ALDH1L2: variants seen among roughly 807,000 people sequenced by gnomAD.
ALDH1L2 encodes mitochondrial 10-formyltetrahydrofolate dehydrogenase.
In ALDH1L2, 91 loss-of-function variants were observed where a neutral mutation model predicts 111.0. The observed-to-expected ratio is 0.82, with a 90% CI of 0.69 to 0.98. The LOEUF (loss-of-function observed/expected upper bound fraction) is 0.98. ALDH1L2 is among the 50% of genes least tolerant of loss of function. ALDH1L2 has a pLI of 0.00. For missense variants in ALDH1L2, 995 were observed against 1,126.8 expected (o/e 0.88, Z 1.67); for synonymous variants, 374 against 392.6 (o/e 0.95, Z 0.56).
chr12:105,033,935 T>C (rs1874836945), intron 19 of ALDH1L2, among the ~76,000 whole-genome samples: 1 of 152,172 alleles, frequency 6.6e-6, no homozygotes, highest in African/African-American at 2.4e-5. Context: ...TATCAGGTTT[T>C]TATATAAACC....
At position 105,026,748 on chromosome 12, in the gene ALDH1L2, T is replaced by C; in HGVS notation, c.2517-4A>G. On this transcript the variant is annotated splice_region_variant and splice_polypyrimidine_tract_variant and intron_variant, in intron 21 of 22. Transcript: ENST00000258494. ...CTGCAACACTCCATCGATGTCCCTGTGTTTTTAGGAAGACATAAAACTTCA... is the reference window on the plus strand; with the variant it reads ...CTGCAACACTCCATCGATGTCCCTGCGTTTTTAGGAAGACATAAAACTTCA... 6.2e-7 allele frequency: 1 copy of C among 1,613,294 alleles called. No individual in the cohort carries two copies. Among genetic ancestry groups the C allele is most frequent in the Non-Finnish European group, 8.5e-7 (1 of 1,179,802 alleles).
Position 105,077,520 on chromosome 12 carries a change from C to T in ALDH1L2, c.49-3515G>A, listed in dbSNP as rs183712620. ...TCTCAAATTCCCGAGCTCAGGCACT[C>T]CACCCGCCTTGGCATCCCAAAGTGC... is the stretch of plus-strand genomic sequence containing the variant. On this transcript the variant is annotated intron_variant, in intron 1 of 22. Transcript: ENST00000258494. 3.9e-3 allele frequency among the ~76,000 whole-genome samples: 600 copies of T among 151,972 alleles called. 8 individuals carry two copies. The highest frequency in any genetic ancestry group is 0.014 in the African/African-American group (560 of 41,454).
intron 18 of ALDH1L2, among the ~76,000 whole-genome samples, chr12:105,036,180 TATATGTGTATATA>T (rs1348008736): frequency 3.6e-5 from 2 of 55,476 alleles, no homozygotes; most frequent in Non-Finnish European, 5.6e-5. Context: ...CGTATATTTA[TATATGTGTATATA>T]ATATATACAC....
intron 1 of ALDH1L2, among the ~76,000 whole-genome samples, chr12:105,080,189 A>G (rs1878269432): frequency 6.6e-6 from 1 of 152,200 alleles, no homozygotes; most frequent in South Asian, 2.1e-4. Flanking sequence ...ACATAAATTT[A>G]ATTTAAATAT....
rs1162088553 is a variant in ALDH1L2, at chr12:105,046,880, G to GGCAC, written c.1757+15_1757+18dup. The GGCAC allele has an allele frequency of 6.2e-7, 1 of 1,613,746 alleles. No individual in the cohort carries two copies. Among genetic ancestry groups the GGCAC allele is most frequent in the South Asian group, 1.1e-5 (1 of 91,046 alleles). ...TAACACAACTCATGATTCACTCAGAGGCACTCTCCTTATCTTACCCGAGTG... is the reference window on the plus strand; with the variant it reads ...TAACACAACTCATGATTCACTCAGAGGCACGCACTCTCCTTATCTTACCCGAGTG... On this transcript the variant is annotated intron_variant, in intron 14 of 22. Coordinates refer to ENST00000258494, the MANE Select transcript of ALDH1L2 (RefSeq NM_001034173.4).
rs973122853 is a variant in ALDH1L2 at position 105,061,693 on chromosome 12, A to G, written c.981T>C (p.Phe327=). Residue 327 remains phenylalanine, a synonymous_variant, in exon 8 of 23, where the codon TTT becomes TTC. Coordinates refer to ENST00000258494, the MANE Select transcript of ALDH1L2 (RefSeq NM_001034173.4). ...DGKMIPASQY[F]STGETSVVEL... ...CTACCACTGACGTCTCACCCGTTGA[A>G]AAGTACTGAGAGGCAGGGATCATTT... 1.9e-6 allele frequency: 3 copies of G among 1,614,030 alleles called. No homozygotes were observed. In the African/African-American group the frequency reaches 4.0e-5, roughly 22 times the overall value.
chr12:105,061,138 G>C (rs1177643597), intron 8 of ALDH1L2, 66 bp from the exon 9 acceptor site: 1 of 1,370,246 alleles, frequency 7.3e-7, no homozygotes, highest in Non-Finnish European at 1.0e-6. Flanking sequence ...GACTGGGCTA[G>C]CTCTTCACCA....
rs1876969039 is a variant in ALDH1L2 at position 105,061,094 on chromosome 12, A to C, written c.1048-22T>G. ...TGACCTACACAAAAAGGAAACTCTT[A>C]TGAGGGAAGTGCCACGTAGAACAAT... is the stretch of plus-strand genomic sequence containing the variant. On this transcript the variant is annotated intron_variant, in intron 8 of 22. Transcript: ENST00000258494. 8.8e-6 allele frequency: 14 copies of C among 1,598,900 alleles called. No individual in the cohort carries two copies. The East Asian group carries it at 3.1e-4, about 36-fold the overall frequency.
chr12:105,046,213 ATATATATATTTTTTTTTT>A (rs1875881544), intron 15 of ALDH1L2, among the ~76,000 whole-genome samples: 5 of 43,390 alleles, frequency 1.2e-4, no homozygotes, highest in African/African-American at 5.1e-4. Flanking sequence ...ATATATATAT[ATATATATATTTTTTTTTT>A]TTTTTTTTTT....
intron 12 of ALDH1L2, 73 bp downstream of exon 12, chr12:105,052,017 G>A: frequency 2.3e-6 from 3 of 1,313,132 alleles, no homozygotes; most frequent in South Asian, 3.3e-5. Flanking sequence ...AGACCAGCCT[G>A]GCCAACGTAG....
At chr12:105,034,203 A>G (rs1874855472) in intron 19 of ALDH1L2, 97 bp downstream of exon 19, 2 of 1,198,086 alleles carry the variant, frequency 1.7e-6, no homozygotes, top group Non-Finnish European at 2.4e-6. Context: ...CAATACTGTT[A>G]TCACACCTGA....
At chr12:105,065,215 A>C in intron 6 of ALDH1L2, 52 bp downstream of exon 6, 1 of 1,041,176 alleles carries the variant, frequency 9.6e-7, no homozygotes, top group Non-Finnish European at 1.4e-6. Flanking sequence ...AATATCTCTT[A>C]CAAAGGTAAT....
chr12:105,033,189 A>G (rs1162552593), intron 19 of ALDH1L2, among the ~76,000 whole-genome samples: 3 of 152,216 alleles, frequency 2.0e-5, no homozygotes, highest in Non-Finnish European at 2.9e-5. Context: ...TCACATTTAT[A>G]TTCCCAGCAT....
chr12:105,028,514 A>G (rs1874533845), intron 21 of ALDH1L2, among the ~76,000 whole-genome samples: 1 of 152,242 alleles, frequency 6.6e-6, no homozygotes, highest in Admixed American at 6.5e-5. Flanking sequence ...TACAGGTTTC[A>G]GTGTAGTGCC....
chr12:105,042,213 C>T (rs191683572), intron 15 of ALDH1L2, among the ~76,000 whole-genome samples: 79 of 152,304 alleles, frequency 5.2e-4, no homozygotes, highest in African/African-American at 1.6e-3. Flanking sequence ...ATCTTAGGGT[C>T]GATTCTATCC....
chr12:105,078,682 G>A (rs145332754), intron 1 of ALDH1L2, among the ~76,000 whole-genome samples: 288 of 152,202 alleles, frequency 1.9e-3, no homozygotes, highest in African/African-American at 6.7e-3. Flanking sequence ...CCCTGTACTC[G>A]GGAATCCACC....
At chr12:105,073,764 G>A in intron 2 of ALDH1L2, 97 bp downstream of exon 2, 2 of 1,511,424 alleles carry the variant, frequency 1.3e-6, no homozygotes, top group South Asian at 2.6e-5. Context: ...CGCTGTGATA[G>A]TAGGGGCTGA....
Position 105,070,822 on chromosome 12 carries a change from GA to G in ALDH1L2, c.194-19del, listed in dbSNP as rs752208859. ...AGCCAAAGCTGAGCATAAAAAAGAA[GA>G]TTTTTTTTTTAGAAGTTAGCCATAA... On this transcript the variant is annotated intron_variant, in intron 2 of 22. Coordinates refer to ENST00000258494, the MANE Select transcript of ALDH1L2 (RefSeq NM_001034173.4). The G allele has an allele frequency of 1.9e-6, 3 of 1,580,228 alleles. No homozygotes were observed. The highest frequency in any genetic ancestry group is 1.7e-4 in the Middle Eastern group (1 of 5,870).
At chr12:105,044,055 A>T (rs7313449) in intron 15 of ALDH1L2, among the ~76,000 whole-genome samples, 56,034 of 152,062 alleles carry the variant, frequency 0.37, 10,579 homozygotes, top group South Asian at 0.53. Flanking sequence ...CAATAAAATT[A>T]AAAAGTCCAG....
Sources: gnomAD v4.1 joint callset for allele counts (sites outside exome capture counted in the v4.1 genomes callset) on GRCh38, gnomAD v4.1.1 for gene constraint, MANE v1.5 for transcripts, NCBI Gene and HGNC (gene_info 2026-07-23, HGNC 2026-07-21) for gene names.